SLIT3: variants seen among roughly 807,000 people sequenced by gnomAD.
SLIT3 encodes the protein slit guidance ligand 3.
In SLIT3, 68 loss-of-function variants were observed where a neutral mutation model predicts 184.0. That is an observed-to-expected ratio of 0.37 (90% confidence interval 0.30 to 0.45). The LOEUF is 0.45. Ranked by LOEUF, SLIT3 falls within the 20% of genes least tolerant of loss-of-function variation. SLIT3 has a pLI of 1.00. For synonymous variants in SLIT3, 831 were observed against 828.6 expected (o/e 1.00, Z -0.05); for missense variants, 1,707 against 2,026.0 (o/e 0.84, Z 3.02).
At chr5:169,083,887 A>T (rs1759173581) in intron 4 of SLIT3, among the ~76,000 whole-genome samples, 1 of 152,108 alleles carries the variant, frequency 6.6e-6, no homozygotes, top group South Asian at 2.1e-4. Flanking sequence ...CCTGGAGCAA[A>T]TTGTCCCTCG....
At chr5:169,176,392 G>A (rs143164463) in intron 4 of SLIT3, among the ~76,000 whole-genome samples, 28 of 152,220 alleles carry the variant, frequency 1.8e-4, no homozygotes, top group African/African-American at 5.8e-4. Flanking sequence ...TCAGAGTCTC[G>A]ATTTTCTCTT....
intron 4 of SLIT3, among the ~76,000 whole-genome samples, chr5:169,102,026 C>T (rs6883493): frequency 0.61 from 92,557 of 152,094 alleles, 28,789 homozygotes; most frequent in Middle Eastern, 0.69. Flanking sequence ...AATGTGAGTT[C>T]CTTGAGTGAA....
In SLIT3 at chr5:168,872,532, A is replaced by T. The variant is rs561049609; in HGVS notation, c.485+10733T>A. ...GGAAACTCTCTACACTTTCCACTCA[A>T]TTCTTCTGTAAACCTCAAAATGCTC... On this transcript the variant is annotated intron_variant, in intron 5 of 35. Coordinates refer to ENST00000519560, the MANE Select transcript of SLIT3 (RefSeq NM_003062.4). Among the ~76,000 whole-genome samples the T allele has an allele frequency of 3.9e-5, 6 of 152,104 alleles. No individual in the cohort carries two copies. The East Asian group carries it at 1.2e-3, about 29-fold the overall frequency.
chr5:168,786,840 G>C (rs761598286), intron 11 of SLIT3, among the ~76,000 whole-genome samples: 12 of 152,148 alleles, frequency 7.9e-5, no homozygotes, highest in Non-Finnish European at 1.6e-4. Context: ...CACAGCACGG[G>C]CTTTGCTGTC....
chr5:168,873,065 C>G (rs946848926), intron 5 of SLIT3, among the ~76,000 whole-genome samples: 2 of 152,166 alleles, frequency 1.3e-5, no homozygotes, highest in African/African-American at 2.4e-5. Context: ...TTCCAACACT[C>G]CCCATGAATC....
At chr5:168,671,616 G>T in intron 33 of SLIT3, 133 bp from the exon 34 acceptor site, 3 of 1,006,718 alleles carry the variant, frequency 3.0e-6, no homozygotes, top group Non-Finnish European at 2.9e-6. Context: ...AGGTTAACGG[G>T]CCAAAACCTC....
rs1757599970 is a variant in SLIT3, at chr5:168,823,397, G to A, written c.558-66C>T. 5 of 1,152,264 alleles carry A rather than the reference G, an allele frequency of 4.3e-6. No individual in the cohort carries two copies. In the South Asian group the frequency reaches 6.1e-5, roughly 14 times the overall value. 71.4% of individuals were successfully genotyped at this position (1,152,264 alleles called of 1,614,324 possible). On this transcript the variant is annotated intron_variant, in intron 6 of 35. Transcript: ENST00000519560. ...CAGGGGAGGCACCAAGATGCTTGTA[G>A]TAGGTCGGGGGAGGGATGGTTGTGA...
chr5:169,242,326 G>T (rs1765430824), intron 3 of SLIT3, among the ~76,000 whole-genome samples: 1 of 152,144 alleles, frequency 6.6e-6, no homozygotes, highest in Admixed American at 6.5e-5. Flanking sequence ...ACTTGCAATA[G>T]AAGTCAGAGA....
intron 4 of SLIT3, among the ~76,000 whole-genome samples, chr5:169,126,291 T>C (rs975067473): frequency 4.0e-5 from 6 of 151,736 alleles, no homozygotes; most frequent in Non-Finnish European, 4.4e-5. Flanking sequence ...TGTATTTAAA[T>C]AAAGAAGAGA....
chr5:169,219,077 TG>T (rs1236716557), intron 3 of SLIT3, among the ~76,000 whole-genome samples: 5 of 152,180 alleles, frequency 3.3e-5, no homozygotes, highest in African/African-American at 1.2e-4. Flanking sequence ...ATCTCTCTCC[TG>T]ATTAGATCAG....
intron 5 of SLIT3, among the ~76,000 whole-genome samples, chr5:168,851,022 C>T (rs144808040): frequency 2.1e-3 from 317 of 152,268 alleles, no homozygotes; most frequent in Non-Finnish European, 3.6e-3. Context: ...CCCTGCAAAC[C>T]ACTTTATCAT....
At chr5:168,727,380 G>A (rs1263730102) in intron 20 of SLIT3, among the ~76,000 whole-genome samples, 3 of 152,170 alleles carry the variant, frequency 2.0e-5, no homozygotes, top group African/African-American at 7.2e-5. Flanking sequence ...ATTTTCAGAT[G>A]AGGATTGGTA....
chr5:168,927,105 G>A (rs569473026), intron 4 of SLIT3, among the ~76,000 whole-genome samples: 1 of 152,272 alleles, frequency 6.6e-6, no homozygotes, highest in African/African-American at 2.4e-5. Flanking sequence ...CAGCTAAAAA[G>A]TGGAAGCAAT....
At chr5:169,235,589 T>C (rs1360286752) in intron 3 of SLIT3, among the ~76,000 whole-genome samples, 2 of 152,258 alleles carry the variant, frequency 1.3e-5, no homozygotes, top group South Asian at 2.1e-4. Context: ...GTTTTTACTT[T>C]CTGTGTTTAT....
intron 5 of SLIT3, among the ~76,000 whole-genome samples, chr5:168,875,744 A>C (rs1759709602): frequency 6.6e-6 from 1 of 151,724 alleles, no homozygotes; most frequent in Non-Finnish European, 1.5e-5. Flanking sequence ...AACAGGAAGG[A>C]ATGAGGGGGA....
chr5:168,896,342 T>C (rs543251506), intron 4 of SLIT3, among the ~76,000 whole-genome samples: 1 of 152,254 alleles, frequency 6.6e-6, no homozygotes, highest in Non-Finnish European at 1.5e-5. Flanking sequence ...AGTTAATGAA[T>C]TTCGAGTTCA....
intron 4 of SLIT3, among the ~76,000 whole-genome samples, chr5:169,161,806 G>A (rs1762488934): frequency 6.6e-6 from 1 of 152,162 alleles, no homozygotes; most frequent in African/African-American, 2.4e-5. Flanking sequence ...GGCCTCAGGA[G>A]CCAGGCTGTC....
At chr5:169,018,275 G>C (rs1756470775) in intron 4 of SLIT3, 1 of 152,238 alleles carries the variant, frequency 6.6e-6, no homozygotes, top group Non-Finnish European at 1.5e-5. Flanking sequence ...GTCTGCATTA[G>C]GGGAGTGAAC....
intron 4 of SLIT3, among the ~76,000 whole-genome samples, chr5:168,972,313 G>A (rs1349880564): frequency 7.6e-6 from 1 of 131,540 alleles, no homozygotes; most frequent in Non-Finnish European, 1.6e-5. Flanking sequence ...AACCTGGCTT[G>A]TTGATGGCTA....
Sources: gnomAD v4.1 joint callset for allele counts (sites outside exome capture counted in the v4.1 genomes callset) on GRCh38, gnomAD v4.1.1 for gene constraint, MANE v1.5 for transcripts, NCBI Gene and HGNC (gene_info 2026-07-23, HGNC 2026-07-21) for gene names.